Variants in NAPSA observed in about 807,000 individuals in gnomAD.
NAPSA encodes the protein napsin A aspartic peptidase.
Under a neutral mutation model 36.7 loss-of-function variants are expected in NAPSA, and 37 were observed. The ratio of observed to expected loss-of-function variants is 1.01; its 90% confidence interval spans 0.78 to 1.33. The LOEUF (loss-of-function observed/expected upper bound fraction) is 1.33, where lower values mean the gene tolerates loss of function less well. NAPSA is among the 40% of genes most tolerant of loss of function. The pLI, the probability that NAPSA is intolerant of heterozygous loss-of-function variation, is 0.00. For missense variants in NAPSA, 532 were observed against 543.8 expected, an observed-to-expected ratio of 0.98 and a Z score of 0.21; for synonymous variants, 222 against 234.5, an observed-to-expected ratio of 0.95 and a Z score of 0.49.
At chr19:50,366,834 A>T (rs75253795), upstream of NAPSA, among the ~76,000 whole-genome samples, 1,455 of 138,240 alleles carry the variant, frequency 0.011, 23 homozygotes, top group African/African-American at 0.034. Context: ...CCCTGGCTAA[A>T]TTTTTTTTTT....
upstream of NAPSA, among the ~76,000 whole-genome samples, chr19:50,366,623 C>T (rs1264744860): frequency 1.3e-5 from 2 of 151,916 alleles, no homozygotes; most frequent in African/African-American, 4.8e-5. Context: ...TATAGATGTT[C>T]ATTGGTGGCT....
chr19:50,365,514 G>C, intron 1 of NAPSA, 25 bp downstream of exon 1: 2 of 1,606,094 alleles, frequency 1.2e-6, no homozygotes, highest in Non-Finnish European at 1.7e-6. Flanking sequence ...TCCTAAGGTT[G>C]GGGTGGTAGA....
At position 50,360,856 on chromosome 19, in the gene NAPSA, C is replaced by T. The variant is rs1008240501; in HGVS notation, c.668+85G>A. ...TGGGTGACTCTGAGAATGAGAATTC[C>T]TGCATTGGGTCAGTGACTTCCTGAA... On this transcript the variant is annotated intron_variant, in intron 5 of 8. Coordinates refer to ENST00000253719, the MANE Select transcript of NAPSA (RefSeq NM_004851.3). The T allele has an allele frequency of 1.6e-5, 21 of 1,318,898 alleles. No individual in the cohort carries two copies. The East Asian group carries it at 2.7e-4, about 17-fold the overall frequency. The allele number at this position is 1,318,898 out of a possible 1,614,324, so 81.7% of individuals were successfully genotyped here. A position where few individuals can be genotyped will look rare whatever the true frequency, so the allele number is the denominator to read the frequency against.
At chr19:50,359,136 A>C in intron 7 of NAPSA, 27 bp from the exon 8 acceptor site, 1 of 1,576,066 alleles carries the variant, frequency 6.3e-7, no homozygotes, top group Non-Finnish European at 8.7e-7. Flanking sequence ...ACTAGTGAAG[A>C]TGAGAGATTC....
upstream of NAPSA, chr19:50,369,268 A>C (rs548255784): frequency 6.6e-6 from 1 of 152,182 alleles, no homozygotes; most frequent in Non-Finnish European, 1.5e-5. Flanking sequence ...TTGGAGGGGA[A>C]TTGAACCTGG....
At chr19:50,367,654 A>G (rs1031802485), upstream of NAPSA, among the ~76,000 whole-genome samples, 5 of 151,012 alleles carry the variant, frequency 3.3e-5, no homozygotes, top group South Asian at 2.1e-4. Context: ...CATGCCTACT[A>G]TCACTGGGAT....
chr19:50,366,205 G>A, upstream of NAPSA, among the ~76,000 whole-genome samples: 1 of 148,872 alleles, frequency 6.7e-6, no homozygotes, highest in Non-Finnish European at 1.5e-5. Flanking sequence ...TTTTTTTTGA[G>A]ACCGAGTTTC....
chr19:50,358,820 A>G, intron 8 of NAPSA, 40 bp from the exon 9 acceptor site: 1 of 1,547,928 alleles, frequency 6.5e-7, no homozygotes, highest in Non-Finnish European at 8.8e-7. Context: ...TCGCGGCCAC[A>G]AGGACGGCCA....
chr19:50,367,549 CCTCTCTCTCT>C (rs779681679), upstream of NAPSA, among the ~76,000 whole-genome samples: 12 of 133,074 alleles, frequency 9.0e-5, no homozygotes, highest in East Asian at 4.3e-4. Flanking sequence ...TCTCTCTCTC[CCTCTCTCTCT>C]CTCTCTCTCT....
At chr19:50,367,765 G>A (rs1428100830), upstream of NAPSA, among the ~76,000 whole-genome samples, 1 of 152,146 alleles carries the variant, frequency 6.6e-6, no homozygotes, top group Non-Finnish European at 1.5e-5. Flanking sequence ...AGGTTCCAAA[G>A]GCAGCCATGC....
At chr19:50,363,107 T>C (rs555034257) in intron 1 of NAPSA, among the ~76,000 whole-genome samples, 1 of 152,188 alleles carries the variant, frequency 6.6e-6, no homozygotes, top group Non-Finnish European at 1.5e-5. Flanking sequence ...TGTGCGGTAA[T>C]ATCTTCGTTC....
At chr19:50,367,942 G>C (rs2037569545), upstream of NAPSA, among the ~76,000 whole-genome samples, 1 of 152,240 alleles carries the variant, frequency 6.6e-6, no homozygotes, top group East Asian at 1.9e-4. Flanking sequence ...CGGATCACTT[G>C]AGGTCAGGAG....
At chr19:50,360,395 T>C (rs2037456587) in intron 5 of NAPSA, among the ~76,000 whole-genome samples, 1 of 151,992 alleles carries the variant, frequency 6.6e-6, no homozygotes, top group African/African-American at 2.4e-5. Context: ...GGTAACTGAG[T>C]GGGCATAGGA....
At chr19:50,362,336 C>A in intron 1 of NAPSA, 23 bp from the exon 2 acceptor site, 1 of 1,572,816 alleles carries the variant, frequency 6.4e-7, no homozygotes, top group Admixed American at 1.9e-5. Context: ...AGGATATTGA[C>A]AGGAAGCTGC....
In NAPSA at chr19:50,359,104, G is replaced by C; in HGVS notation, c.942C>G (p.Ile314Met). The C allele has an allele frequency of 6.2e-7, 1 of 1,612,440 alleles. No individual in the cohort carries two copies. Among genetic ancestry groups the C allele is most frequent in the African/African-American group, 1.3e-5 (1 of 74,986 alleles). The change falls in exon 8 of 9, where the codon ATC becomes ATG. Residue 314 changes from isoleucine to methionine, a missense_variant. By Grantham distance (10) the Ile-to-Met change is conservative. Around this residue, in one of 3 missense-constraint regions of NAPSA, gnomAD observed 385 missense variants for 371.5 expected, o/e 1.04. Transcript: ENST00000253719. ...GGIPLLAGEY[I>M]ILCSEIPKLP... Reference sequence around the variant, plus strand: ...GCTTTGGGATTTCCGAGCACAGGATGATGTACTGGGGGAGAAGAGGAACTA... The same window carrying C: ...GCTTTGGGATTTCCGAGCACAGGATCATGTACTGGGGGAGAAGAGGAACTA...
chr19:50,364,375 C>T lies in NAPSA; in HGVS notation c.83+1164G>A, dbSNP rs867885976. ...TTACGCCTGTAATCCCAGCACTTTG[C>T]GAGGCTGAGGTGGGTGGATCACGAG... On this transcript the variant is annotated intron_variant, in intron 1 of 8. Transcript: ENST00000253719. Among the ~76,000 whole-genome samples, 3 of 147,888 alleles carry T rather than the reference C, an allele frequency of 2.0e-5. No homozygotes were observed. The Middle Eastern group carries it at 0.011, about 552-fold the overall frequency.
chr19:50,360,865 G>A (rs569096989), intron 5 of NAPSA, 76 bp downstream of exon 5: 4 of 1,393,466 alleles, frequency 2.9e-6, no homozygotes, highest in South Asian at 1.3e-5. Flanking sequence ...CCTGCATTGG[G>A]TCAGTGACTT....
chr19:50,359,307 C>T lies in NAPSA; in HGVS notation c.936+196G>A, dbSNP rs1046979765. On this transcript the variant is annotated intron_variant, in intron 7 of 8. Transcript: ENST00000253719. ...CGTCTCCCTCCACCCGGCCACCATC[C>T]GCAGAGTCGCAGTGTAGACACGTGG... is the stretch of plus-strand genomic sequence containing the variant. 4.6e-5 allele frequency: 40 copies of T among 863,888 alleles called. No homozygotes were observed. In the Admixed American group the frequency reaches 6.7e-4, roughly 15 times the overall value. 53.5% of individuals were successfully genotyped at this position (863,888 alleles called of 1,614,324 possible). A position where few individuals can be genotyped will look rare whatever the true frequency, so the allele number is the denominator to read the frequency against.
rs779368805 is a variant in NAPSA, at chr19:50,361,969, A to G, written c.349T>C (p.Trp117Arg). 3 of 1,594,612 alleles carry G rather than the reference A, an allele frequency of 1.9e-6. No individual in the cohort carries two copies. The highest frequency in any genetic ancestry group is 1.7e-6 in the Non-Finnish European group (2 of 1,170,434). ...CTTATTCTCCCACATAGAAGCTCAC[A>G]GCAGGGCACACTGAAGAAGTGGCAT... ...RRCHFFSVPC[W>R]LHHRFDPKAS... The change falls in exon 3 of 9, where the codon TGG (tryptophan) becomes CGG (arginine). Residue 117 changes from tryptophan (W) to arginine (R), a missense_variant and splice_region_variant. Trp to Arg is a moderately radical substitution (Grantham distance 101). Coordinates refer to ENST00000253719, the MANE Select transcript of NAPSA (RefSeq NM_004851.3).
Sources: gnomAD v4.1 joint callset for allele counts (sites outside exome capture counted in the v4.1 genomes callset) on GRCh38, gnomAD v4.1.1 for gene constraint, gnomAD v4.1.1 regional missense constraint, MANE v1.5 for transcripts, NCBI Gene and HGNC (gene_info 2026-07-23, HGNC 2026-07-21) for gene names.